SLIT2: variants seen among roughly 807,000 people sequenced by gnomAD.
SLIT2 encodes slit guidance ligand 2, also known as slit homolog 2 protein.
A neutral mutation model predicts 185.7 loss-of-function variants in SLIT2; 41 were observed. The ratio of observed to expected loss-of-function variants is 0.22; its 90% CI spans 0.17 to 0.29. The LOEUF (loss-of-function observed/expected upper bound fraction) is 0.29, where lower values mean the gene tolerates loss of function less well. Ranked by LOEUF, SLIT2 falls within the 10% of genes least tolerant of loss-of-function variation. The pLI is 1.00. For missense variants in SLIT2, 1,571 were observed against 1,909.0 expected (o/e 0.82, Z 3.30); for synonymous variants, 693 against 680.2 (o/e 1.02, Z -0.29).
chr4:20,431,652 A>T (rs975155661), intron 4 of SLIT2, among the ~76,000 whole-genome samples: 1 of 152,222 alleles, frequency 6.6e-6, no homozygotes, highest in African/African-American at 2.4e-5. Context: ...AGACAGAGAG[A>T]GAGTGCTTTA....
At chr4:20,409,647 A>G (rs1727048335) in intron 4 of SLIT2, among the ~76,000 whole-genome samples, 1 of 152,208 alleles carries the variant, frequency 6.6e-6, no homozygotes. Context: ...GAATTACCAC[A>G]CTGTGTTCCA....
chr4:20,377,127 G>T (rs1724086609), intron 4 of SLIT2, among the ~76,000 whole-genome samples: 1 of 151,986 alleles, frequency 6.6e-6, no homozygotes, highest in Admixed American at 6.6e-5. Context: ...AAATAGAAAA[G>T]ATAGGAAGAA....
At chr4:20,583,547 C>T (rs988180502) in intron 29 of SLIT2, among the ~76,000 whole-genome samples, 1 of 152,140 alleles carries the variant, frequency 6.6e-6, no homozygotes, top group African/African-American at 2.4e-5. Flanking sequence ...CACAGTGGCT[C>T]ACGCCTGTAA....
rs554227726 is a variant in SLIT2 at position 20,569,198 on chromosome 4, CTG to C, written c.3088+196_3088+197del. The stretch of plus-strand genomic sequence containing the variant: ...AACCAAATAAAAGACCCAGGAATCT[CTG>C]TTCAAACATACGCATCTATTATAAA... On this transcript the variant is annotated intron_variant, in intron 29 of 36. Transcript: ENST00000504154. 9.8e-4 allele frequency: 565 copies of C among 574,920 alleles called. 3 individuals are homozygous for C. The highest frequency in any genetic ancestry group is 9.0e-3 in the African/African-American group (480 of 53,374). 35.6% of individuals were successfully genotyped at this position (574,920 alleles called of 1,614,324 possible).
At chr4:20,303,753 G>T (rs796347706) in intron 4 of SLIT2, among the ~76,000 whole-genome samples, 5 of 152,220 alleles carry the variant, frequency 3.3e-5, no homozygotes, top group Admixed American at 6.5e-5. Context: ...CCTCATAGCA[G>T]AGTGTACGTG....
At chr4:20,285,400 A>G (rs1715166028) in intron 4 of SLIT2, among the ~76,000 whole-genome samples, 1 of 152,124 alleles carries the variant, frequency 6.6e-6, no homozygotes, top group African/African-American at 2.4e-5. Flanking sequence ...TGTAAAGACT[A>G]CTCAGGTGAT....
chr4:20,371,391 A>G (rs1157085306), intron 4 of SLIT2, among the ~76,000 whole-genome samples: 1 of 152,072 alleles, frequency 6.6e-6, no homozygotes, highest in Non-Finnish European at 1.5e-5. Flanking sequence ...GTTGTGTATT[A>G]TTACAACAAA....
chr4:20,461,925 G>C (rs903293594), intron 4 of SLIT2, among the ~76,000 whole-genome samples: 18 of 152,176 alleles, frequency 1.2e-4, no homozygotes, highest in African/African-American at 4.1e-4. Flanking sequence ...CATGAAGAGT[G>C]TTGATGAGGT....
chr4:20,284,613 G>A (rs1383125781), intron 4 of SLIT2, among the ~76,000 whole-genome samples: 2 of 152,156 alleles, frequency 1.3e-5, no homozygotes, highest in South Asian at 2.1e-4. Flanking sequence ...AAAAAGAATA[G>A]CCATCAGTAC....
intron 4 of SLIT2, among the ~76,000 whole-genome samples, chr4:20,428,961 C>T (rs1034021088): frequency 1.3e-5 from 2 of 152,208 alleles, no homozygotes; most frequent in African/African-American, 4.8e-5. Flanking sequence ...CAGCAAATGA[C>T]ATCACTTTTC....
chr4:20,381,597 A>G (rs1265238439), intron 4 of SLIT2, among the ~76,000 whole-genome samples: 3 of 152,132 alleles, frequency 2.0e-5, no homozygotes, highest in Non-Finnish European at 4.4e-5. Context: ...AGAAATCTCA[A>G]TTTTCCAAAA....
chr4:20,506,322 T>C (rs1014047023), intron 9 of SLIT2, among the ~76,000 whole-genome samples: 1 of 151,990 alleles, frequency 6.6e-6, no homozygotes, highest in Non-Finnish European at 1.5e-5. Context: ...TTATGGTGGA[T>C]TTTATCCATG....
intron 29 of SLIT2, among the ~76,000 whole-genome samples, chr4:20,586,841 C>T (rs1727105011): frequency 6.6e-6 from 1 of 151,946 alleles, no homozygotes; most frequent in Non-Finnish European, 1.5e-5. Flanking sequence ...GTTATTAAAG[C>T]AAAAGGAGAA....
intron 4 of SLIT2, among the ~76,000 whole-genome samples, chr4:20,334,331 T>A (rs1026040595): frequency 2.0e-5 from 3 of 152,068 alleles, no homozygotes; most frequent in Non-Finnish European, 4.4e-5. Context: ...TTTTAAAAGT[T>A]CATGATTTCA....
chr4:20,596,661 A>G lies in SLIT2; in HGVS notation c.3561+6A>G. 1.2e-6 allele frequency: 2 copies of G among 1,609,950 alleles called. No individual in the cohort carries two copies. Among genetic ancestry groups the G allele is most frequent in the African/African-American group, 1.3e-5 (1 of 74,984 alleles). ...AGACGAACATAACACTTCAGGTAAG[A>G]GATCTCTCTCTATGGAGAGATGATC... is the stretch of plus-strand genomic sequence containing the variant. On this transcript the variant is annotated splice_donor_region_variant and intron_variant, in intron 32 of 36. Transcript: ENST00000504154.
chr4:20,450,915 CAAAGT>C (rs1712401506), intron 4 of SLIT2, among the ~76,000 whole-genome samples: 1 of 151,896 alleles, frequency 6.6e-6, no homozygotes, highest in African/African-American at 2.4e-5. Context: ...ACTTGAGTAA[CAAAGT>C]AAAAAGAAAA....
At chr4:20,286,656 G>T (rs1204837888) in intron 4 of SLIT2, among the ~76,000 whole-genome samples, 3 of 152,046 alleles carry the variant, frequency 2.0e-5, no homozygotes, top group Non-Finnish European at 4.4e-5. Flanking sequence ...CAAAAAATTA[G>T]ATGGGCGTGG....
At chr4:20,290,184 GTTAAA>G (rs1715658911) in intron 4 of SLIT2, among the ~76,000 whole-genome samples, 1 of 152,088 alleles carries the variant, frequency 6.6e-6, no homozygotes, top group African/African-American at 2.4e-5. Context: ...AATCCCCCAG[GTTAAA>G]CCATGTTCCC....
intron 29 of SLIT2, among the ~76,000 whole-genome samples, chr4:20,585,510 C>T (rs1726980423): frequency 6.6e-6 from 1 of 152,174 alleles, no homozygotes; most frequent in Non-Finnish European, 1.5e-5. Context: ...GAAGCCAGAT[C>T]ATGGAGTCAA....
Sources: gnomAD v4.1 joint callset for allele counts (sites outside exome capture counted in the v4.1 genomes callset) on GRCh38, gnomAD v4.1.1 for gene constraint, MANE v1.5 for transcripts, NCBI Gene and HGNC (gene_info 2026-07-23, HGNC 2026-07-21) for gene names.